The following LINGO2 variants were observed in gnomAD, a reference collection of about 807,000 sequenced individuals.
The protein encoded by LINGO2 is leucine rich repeat and Ig domain containing 2.
Under a neutral mutation model 30.6 loss-of-function variants are expected in LINGO2, and 14 were observed. That is an observed-to-expected ratio of 0.46 (90% CI 0.30 to 0.72). The LOEUF (loss-of-function observed/expected upper bound fraction) is 0.72. Ranked by LOEUF, LINGO2 falls within the 30% of genes least tolerant of loss-of-function variation. The pLI, the probability that LINGO2 is intolerant of heterozygous loss-of-function variation, is 0.07. For synonymous variants in LINGO2, 317 were observed against 288.5 expected (o/e 1.10, Z -1.00); for missense variants, 729 against 751.7 (o/e 0.97, Z 0.35).
chr9:28,948,826 C>A, the LINGO2 span, among the ~76,000 whole-genome samples: 44 of 152,046 alleles, frequency 2.9e-4, no homozygotes, highest in African/African-American at 9.9e-4. Flanking sequence ...AAAACAAATT[C>A]TGTTGCTGCA....
chr9:28,244,378 G>C (rs975023966), intron 4 of LINGO2, among the ~76,000 whole-genome samples: 1 of 151,910 alleles, frequency 6.6e-6, no homozygotes, highest in African/African-American at 2.4e-5. Context: ...AAGCTAGAAA[G>C]ATCTCAAATC....
At chr9:28,355,148 A>T (rs1250393472) in intron 3 of LINGO2, among the ~76,000 whole-genome samples, 1 of 152,128 alleles carries the variant, frequency 6.6e-6, no homozygotes, top group Non-Finnish European at 1.5e-5. Context: ...GACATCTATA[A>T]TTCTACTTAC....
the LINGO2 span, among the ~76,000 whole-genome samples, chr9:28,885,388 CAT>C: frequency 1.6e-4 from 13 of 82,608 alleles, no homozygotes; most frequent in South Asian, 3.5e-3. Context: ...TATATATACA[CAT>C]ACATACATAC....
At chr9:29,018,950 T>G in the LINGO2 span, among the ~76,000 whole-genome samples, 1 of 152,150 alleles carries the variant, frequency 6.6e-6, no homozygotes, top group African/African-American at 2.4e-5. Context: ...CTCACTTTTA[T>G]TTTCTGAAAT....
At chr9:28,062,191 T>C (rs919621218) in intron 4 of LINGO2, among the ~76,000 whole-genome samples, 1 of 152,024 alleles carries the variant, frequency 6.6e-6, no homozygotes, top group African/African-American at 2.4e-5. Context: ...AATGCTGACA[T>C]ACCTTACCAG....
At chr9:28,650,230 A>T (rs970176281) in intron 1 of LINGO2, among the ~76,000 whole-genome samples, 1 of 152,164 alleles carries the variant, frequency 6.6e-6, no homozygotes, top group Non-Finnish European at 1.5e-5. Flanking sequence ...TTCCAAATTG[A>T]CATGCCTGGA....
the LINGO2 span, among the ~76,000 whole-genome samples, chr9:28,798,071 C>A: frequency 6.6e-6 from 1 of 151,886 alleles, no homozygotes; most frequent in Non-Finnish European, 1.5e-5. Context: ...TTTGGTTGAG[C>A]GTAAAGGTCA....
chr9:28,266,368 ATCT>A (rs1822751456), intron 4 of LINGO2, among the ~76,000 whole-genome samples: 1 of 152,144 alleles, frequency 6.6e-6, no homozygotes, highest in South Asian at 2.1e-4. Flanking sequence ...CTTTTCTGCC[ATCT>A]TCTCTGATGC....
chr9:29,004,514 A>C, the LINGO2 span, among the ~76,000 whole-genome samples: 1 of 151,946 alleles, frequency 6.6e-6, no homozygotes, highest in Admixed American at 6.6e-5. Flanking sequence ...TCTACCACAT[A>C]CATATATTAT....
chr9:28,032,608 T>C (rs1823736369), intron 4 of LINGO2, among the ~76,000 whole-genome samples: 1 of 152,188 alleles, frequency 6.6e-6, no homozygotes, highest in African/African-American at 2.4e-5. Flanking sequence ...TTTTAGTCCC[T>C]TTTACAGATG....
At chr9:29,149,868 G>A in the LINGO2 span, among the ~76,000 whole-genome samples, 5 of 152,172 alleles carry the variant, frequency 3.3e-5, no homozygotes, top group East Asian at 7.7e-4. Flanking sequence ...CAGAGAGCAG[G>A]GTAGACTTTC....
At chr9:28,374,701 C>T (rs537418318) in intron 2 of LINGO2, among the ~76,000 whole-genome samples, 188 of 152,152 alleles carry the variant, frequency 1.2e-3, no homozygotes, top group Non-Finnish European at 2.4e-3. Context: ...ACTGATCACC[C>T]ACCATGTATA....
intron 2 of LINGO2, among the ~76,000 whole-genome samples, chr9:28,435,454 C>T (rs766109920): frequency 1.3e-5 from 2 of 152,042 alleles, no homozygotes; most frequent in African/African-American, 2.4e-5. Context: ...CAAAAACATG[C>T]CATGTAATAG....
intron 4 of LINGO2, among the ~76,000 whole-genome samples, chr9:28,068,998 T>C (rs1310159832): frequency 6.6e-6 from 1 of 152,056 alleles, no homozygotes; most frequent in Non-Finnish European, 1.5e-5. Flanking sequence ...AACATGCAAT[T>C]TGGAAGAACA....
At chr9:28,634,278 G>A (rs894125038) in intron 1 of LINGO2, among the ~76,000 whole-genome samples, 1 of 151,958 alleles carries the variant, frequency 6.6e-6, no homozygotes, top group Non-Finnish European at 1.5e-5. Context: ...ACACAACTGA[G>A]GGAATGTTGT....
chr9:29,012,613 T>C, the LINGO2 span, among the ~76,000 whole-genome samples: 1 of 152,134 alleles, frequency 6.6e-6, no homozygotes, highest in African/African-American at 2.4e-5. Flanking sequence ...AATGATATAA[T>C]TACAATTCCT....
the LINGO2 span, among the ~76,000 whole-genome samples, chr9:28,752,847 A>G: frequency 6.6e-6 from 1 of 151,796 alleles, no homozygotes. Flanking sequence ...TGGCTCTCCC[A>G]TTTTCTGCCT....
intron 4 of LINGO2, among the ~76,000 whole-genome samples, chr9:28,096,776 A>G (rs551253888): frequency 7.9e-5 from 12 of 152,084 alleles, no homozygotes; most frequent in Middle Eastern, 6.8e-3. Flanking sequence ...ATATCTAAAC[A>G]ACATGGAAAA....
the LINGO2 span, among the ~76,000 whole-genome samples, chr9:29,012,112 CT>C: frequency 6.6e-6 from 1 of 152,080 alleles, no homozygotes; most frequent in Non-Finnish European, 1.5e-5. Context: ...AATCCCAGTA[CT>C]TTGGGAGGCT....
Sources: gnomAD v4.1 joint callset for allele counts (sites outside exome capture counted in the v4.1 genomes callset) on GRCh38, gnomAD v4.1.1 for gene constraint, MANE v1.5 for transcripts, NCBI Gene and HGNC (gene_info 2026-07-23, HGNC 2026-07-21) for gene names.